The following NRCAM variants were observed in gnomAD, a reference collection of about 807,000 sequenced individuals.
NRCAM encodes the protein NgCAM-related cell adhesion molecule.
Under a neutral mutation model 156.5 loss-of-function variants are expected in NRCAM, and 83 were observed. The observed-to-expected ratio is 0.53, with a 90% CI of 0.44 to 0.64. NRCAM has a LOEUF of 0.64. NRCAM is among the 30% of genes least tolerant of loss of function. NRCAM has a pLI of 0.00. For synonymous variants in NRCAM, 538 were observed against 563.9 expected (o/e 0.95, Z 0.65); for missense variants, 1,417 against 1,597.3 (o/e 0.89, Z 1.92).
chr7:108,373,331 AG>A (rs1275893538), intron 2 of NRCAM, among the ~76,000 whole-genome samples: 2 of 152,292 alleles, frequency 1.3e-5, no homozygotes, highest in East Asian at 3.9e-4. Context: ...ATCTGTTAAG[AG>A]GGCAGATCTT....
intron 1 of NRCAM, among the ~76,000 whole-genome samples, chr7:108,450,351 C>T (rs1232673499): frequency 6.6e-6 from 1 of 151,510 alleles, no homozygotes; most frequent in East Asian, 1.9e-4. Context: ...TTTGAAATTC[C>T]AATCTTGTAG....
intron 1 of NRCAM, among the ~76,000 whole-genome samples, chr7:108,402,422 G>A (rs2099795351): frequency 6.6e-6 from 1 of 152,174 alleles, no homozygotes; most frequent in African/African-American, 2.4e-5. Context: ...ATTATACTGT[G>A]TCAGAATTAT....
intron 2 of NRCAM, among the ~76,000 whole-genome samples, chr7:108,329,632 T>C (rs1264387941): frequency 1.3e-5 from 2 of 152,354 alleles, no homozygotes; most frequent in South Asian, 4.1e-4. Flanking sequence ...AATATATTTC[T>C]TTGAAGCTCT....
intron 2 of NRCAM, among the ~76,000 whole-genome samples, chr7:108,316,025 C>T (rs17155428): frequency 0.65 from 99,103 of 152,146 alleles, 33,079 homozygotes; most frequent in East Asian, 0.93. Flanking sequence ...CCATGGTACA[C>T]AGTTGCTATG....
chr7:108,355,070 T>C (rs1246433827), intron 2 of NRCAM, among the ~76,000 whole-genome samples: 2 of 152,256 alleles, frequency 1.3e-5, no homozygotes, highest in East Asian at 3.8e-4. Context: ...TGCTCCTTGA[T>C]AAGAATTGAA....
intron 32 of NRCAM, chr7:108,150,667 C>T (rs749526780): frequency 1.9e-6 from 1 of 521,138 alleles, no homozygotes. Flanking sequence ...GTTATCAATG[C>T]AGGCCAGACT....
chr7:108,297,798 C>A (rs2300014), intron 3 of NRCAM, among the ~76,000 whole-genome samples: 1 of 152,034 alleles, frequency 6.6e-6, no homozygotes, highest in East Asian at 1.9e-4. Context: ...TGCATGCGCA[C>A]GTATGTGTGT....
At chr7:108,379,256 A>C (rs778160122) in intron 2 of NRCAM, among the ~76,000 whole-genome samples, 2 of 152,220 alleles carry the variant, frequency 1.3e-5, no homozygotes, top group Non-Finnish European at 2.9e-5. Flanking sequence ...TAAAAAAGTA[A>C]GTGTGGTAAC....
At chr7:108,416,565 T>A (rs1387448835) in intron 1 of NRCAM, among the ~76,000 whole-genome samples, 1 of 124,720 alleles carries the variant, frequency 8.0e-6, no homozygotes, top group East Asian at 2.4e-4. Flanking sequence ...TGCCTACTAC[T>A]TCGGGAAAGA....
intron 2 of NRCAM, among the ~76,000 whole-genome samples, chr7:108,314,302 A>G (rs1324933590): frequency 6.6e-6 from 1 of 152,206 alleles, no homozygotes; most frequent in Non-Finnish European, 1.5e-5. Flanking sequence ...TCTTGTTTTG[A>G]CAAATGTGTC....
chr7:108,163,258 A>G (rs916883867), intron 30 of NRCAM, among the ~76,000 whole-genome samples: 1 of 152,150 alleles, frequency 6.6e-6, no homozygotes, highest in Non-Finnish European at 1.5e-5. Flanking sequence ...ATGGCAGGAG[A>G]ATGAGATTTG....
At chr7:108,158,935 T>C (rs1459046505) in intron 32 of NRCAM, among the ~76,000 whole-genome samples, 5 of 152,190 alleles carry the variant, frequency 3.3e-5, no homozygotes, top group Admixed American at 2.0e-4. Flanking sequence ...AGTAACACAT[T>C]GCCTAGAGGG....
At chr7:108,260,618 C>T (rs1051918418) in intron 3 of NRCAM, among the ~76,000 whole-genome samples, 1 of 152,084 alleles carries the variant, frequency 6.6e-6, no homozygotes, top group South Asian at 2.1e-4. Flanking sequence ...AGATTCACCC[C>T]CTTGCTCCTC....
chr7:108,303,938 A>G (rs1465470283), intron 3 of NRCAM, among the ~76,000 whole-genome samples: 1 of 152,214 alleles, frequency 6.6e-6, no homozygotes. Flanking sequence ...CATTGCAATT[A>G]CTGTGCTGTA....
intron 1 of NRCAM, among the ~76,000 whole-genome samples, chr7:108,428,625 T>A (rs552045431): frequency 6.6e-6 from 1 of 152,364 alleles, no homozygotes; most frequent in East Asian, 1.9e-4. Context: ...GGGTCCCTTC[T>A]GTGGGCAAAT....
intron 2 of NRCAM, among the ~76,000 whole-genome samples, chr7:108,349,069 T>A (rs2099391811): frequency 6.6e-6 from 1 of 152,136 alleles, no homozygotes; most frequent in Non-Finnish European, 1.5e-5. Context: ...ATGATCGACA[T>A]TATTTTTCCA....
intron 3 of NRCAM, among the ~76,000 whole-genome samples, chr7:108,274,201 T>A (rs192531593): frequency 6.6e-6 from 1 of 152,310 alleles, no homozygotes; most frequent in Non-Finnish European, 1.5e-5. Context: ...TCTTTTTGCT[T>A]AGGATTGTCT....
chr7:108,275,235 G>C lies in NRCAM; in HGVS notation c.-106-35065C>G, dbSNP rs564499784. Among the ~76,000 whole-genome samples, 4 of 152,278 alleles carry C rather than the reference G, an allele frequency of 2.6e-5. No homozygotes were observed. The East Asian group carries it at 7.7e-4, about 29-fold the overall frequency. Reference sequence around the variant, plus strand: ...GTGTCTCTGCCAGACTTTGGTATCAGGATGATGCTGGCCTCATAAAATGAG... The same window carrying C: ...GTGTCTCTGCCAGACTTTGGTATCACGATGATGCTGGCCTCATAAAATGAG... On this transcript the variant is annotated intron_variant, in intron 3 of 32. Transcript: ENST00000379028.
chr7:108,322,385 T>C (rs1288183778), intron 2 of NRCAM, among the ~76,000 whole-genome samples: 1 of 152,130 alleles, frequency 6.6e-6, no homozygotes, highest in African/African-American at 2.4e-5. Flanking sequence ...AATAAAGTGG[T>C]TTCCAAATAT....
Sources: gnomAD v4.1 joint callset for allele counts (sites outside exome capture counted in the v4.1 genomes callset) on GRCh38, gnomAD v4.1.1 for gene constraint, MANE v1.5 for transcripts, NCBI Gene and HGNC (gene_info 2026-07-23, HGNC 2026-07-21) for gene names.